CCDC3: variants seen among roughly 807,000 people sequenced by gnomAD.
CCDC3 encodes coiled-coil domain containing 3.
A neutral mutation model predicts 21.4 loss-of-function variants in CCDC3; 24 were observed. That is an observed-to-expected ratio of 1.12 (90% CI 0.81 to 1.58). The LOEUF (loss-of-function observed/expected upper bound fraction) is 1.58. Ranked by LOEUF, CCDC3 falls within the 40% of genes most tolerant of loss-of-function variation. CCDC3 has a pLI of 0.00. For missense variants in CCDC3, 425 were observed against 360.9 expected (o/e 1.18, Z -1.44); for synonymous variants, 186 against 166.0 (o/e 1.12, Z -0.93).
At chr10:12,972,598 C>T (rs1835359290) in intron 2 of CCDC3, among the ~76,000 whole-genome samples, 1 of 152,160 alleles carries the variant, frequency 6.6e-6, no homozygotes. Context: ...AGGCAAATCA[C>T]CTGAGGTTAG....
chr10:12,998,587 C>A, intron 1 of CCDC3, 75 bp from the exon 2 acceptor site: 2 of 1,412,778 alleles, frequency 1.4e-6, no homozygotes, highest in Admixed American at 2.0e-5. Context: ...GAGTCACAGA[C>A]AACTGCAACG....
chr10:12,992,261 G>A lies in CCDC3; in HGVS notation c.549+6077C>T, dbSNP rs184340947. On this transcript the variant is annotated intron_variant, in intron 2 of 2. Transcript: ENST00000378825. Reference sequence around the variant, plus strand: ...AAAAATCAGCTGGCCGTGGTGCTGGGCGCCTGTAGTCCCAGCTACTCAGGG... The same window carrying A: ...AAAAATCAGCTGGCCGTGGTGCTGGACGCCTGTAGTCCCAGCTACTCAGGG... Among the ~76,000 whole-genome samples, 36 of 152,040 alleles carry A rather than the reference G, an allele frequency of 2.4e-4. No individual in the cohort carries two copies. The East Asian group carries it at 6.2e-3, about 26-fold the overall frequency.
At chr10:12,919,876 G>A (rs954872567) in intron 2 of CCDC3, among the ~76,000 whole-genome samples, 8 of 152,196 alleles carry the variant, frequency 5.3e-5, no homozygotes, top group African/African-American at 1.9e-4. Flanking sequence ...GAAAAGCTAT[G>A]CTCAGGAAAG....
At chr10:12,907,654 AAAAAAG>A (rs1834195000) in intron 2 of CCDC3, among the ~76,000 whole-genome samples, 1 of 143,154 alleles carries the variant, frequency 7.0e-6, no homozygotes, top group Non-Finnish European at 1.6e-5. Context: ...AAAGAAAAAG[AAAAAAG>A]AAGATTAGTT....
At chr10:13,066,212 C>CA (rs765610903) in intron 4 of CCDC3, among the ~76,000 whole-genome samples, 14 of 151,786 alleles carry the variant, frequency 9.2e-5, no homozygotes, top group Admixed American at 6.6e-5. Flanking sequence ...AACTGGAGTA[C>CA]AATGGTACGA....
At chr10:12,977,283 GGAAAA>G (rs1171113216) in intron 2 of CCDC3, among the ~76,000 whole-genome samples, 1 of 144,278 alleles carries the variant, frequency 6.9e-6, no homozygotes, top group Non-Finnish European at 1.5e-5. Flanking sequence ...TCAAAAAAAA[GGAAAA>G]GAAAGGAAAG....
At chr10:12,980,809 G>C (rs2131271252) in intron 2 of CCDC3, among the ~76,000 whole-genome samples, 1 of 152,232 alleles carries the variant, frequency 6.6e-6, no homozygotes, top group East Asian at 1.9e-4. Context: ...AAGACACCGA[G>C]AGAGGATTCA....
At chr10:12,979,805 T>G (rs1835468102) in intron 2 of CCDC3, among the ~76,000 whole-genome samples, 1 of 152,174 alleles carries the variant, frequency 6.6e-6, no homozygotes, top group Non-Finnish European at 1.5e-5. Flanking sequence ...GCTTTTTGGT[T>G]AATGATATGG....
At chr10:13,045,875 G>A (rs566852197) in intron 5 of CCDC3, among the ~76,000 whole-genome samples, 1 of 150,996 alleles carries the variant, frequency 6.6e-6, no homozygotes, top group South Asian at 2.1e-4. Context: ...GGGATCATGA[G>A]GTCAAGAGTT....
chr10:13,002,015 A>C (rs1349547195), upstream of CCDC3, among the ~76,000 whole-genome samples: 1 of 152,198 alleles, frequency 6.6e-6, no homozygotes, highest in Non-Finnish European at 1.5e-5. Context: ...AATGACTCTT[A>C]ATTTGCACGA....
At position 13,001,433 on chromosome 10, in the gene CCDC3, G is replaced by A. The variant is rs1464744571; in HGVS notation, c.138C>T (p.Ala46=). The A allele has an allele frequency of 3.9e-6, 6 of 1,523,874 alleles. No homozygotes were observed. In the African/African-American group the frequency reaches 8.3e-5, roughly 21 times the overall value. 94.4% of individuals were successfully genotyped at this position (1,523,874 alleles called of 1,614,324 possible). A position where few individuals can be genotyped will look rare whatever the true frequency, so the allele number is the denominator to read the frequency against. ...RAELAETIVY[A]RVLALHPEAP... is the part of the protein sequence containing the mutation. Reference sequence around the variant, plus strand: ...CCTCGGGGTGCAGCGCCAGCACCCTGGCGTACACGATGGTCTCGGCCAGCT... The same window carrying A: ...CCTCGGGGTGCAGCGCCAGCACCCTAGCGTACACGATGGTCTCGGCCAGCT... Residue 46 remains alanine (A), a synonymous_variant, in exon 1 of 3, where the codon GCC becomes GCT. Transcript: ENST00000378825.
rs150173794 is a variant in CCDC3, at chr10:12,930,822, C to T, written c.550-32143G>A. Among the ~76,000 whole-genome samples the T allele has an allele frequency of 8.3e-3, 1,269 of 152,196 alleles. 22 individuals are homozygous for T. The highest frequency in any genetic ancestry group is 0.029 in the African/African-American group (1,206 of 41,522). ...ATAACAGTGCCGAGGTCAAGAAGCC[C>T]CATTCTAGGGTACCTGGAGCATAGA... On this transcript the variant is annotated intron_variant, in intron 2 of 2. Coordinates refer to ENST00000378825, the MANE Select transcript of CCDC3 (RefSeq NM_031455.4).
chr10:13,044,902 G>A (rs1168910042), intron 5 of CCDC3, among the ~76,000 whole-genome samples: 3 of 152,026 alleles, frequency 2.0e-5, no homozygotes, highest in Non-Finnish European at 4.4e-5. Flanking sequence ...TTAACATATC[G>A]AGTCTTCCAA....
chr10:12,960,174 C>CACACAG (rs1369913832), intron 2 of CCDC3, among the ~76,000 whole-genome samples: 1 of 151,312 alleles, frequency 6.6e-6, no homozygotes, highest in Non-Finnish European at 1.5e-5. Context: ...ACACAACACA[C>CACACAG]ACACACACAC....
At chr10:12,907,333 AG>A (rs1355908087) in intron 2 of CCDC3, among the ~76,000 whole-genome samples, 3 of 152,208 alleles carry the variant, frequency 2.0e-5, no homozygotes, top group African/African-American at 7.2e-5. Flanking sequence ...TTCCCTGTGA[AG>A]CCCCATTTCC....
intron 4 of CCDC3, among the ~76,000 whole-genome samples, chr10:13,054,105 G>A (rs1465756279): frequency 1.3e-5 from 2 of 149,372 alleles, no homozygotes; most frequent in Non-Finnish European, 3.0e-5. Flanking sequence ...AGATAGGGCC[G>A]CTGCACTCTG....
chr10:13,020,614 C>G (rs1411523204), intron 5 of CCDC3, among the ~76,000 whole-genome samples: 1 of 152,116 alleles, frequency 6.6e-6, no homozygotes, highest in Non-Finnish European at 1.5e-5. Flanking sequence ...ATTCTCACCT[C>G]AAAATATGCA....
At chr10:12,982,006 C>T (rs1196967521) in intron 2 of CCDC3, among the ~76,000 whole-genome samples, 1 of 150,988 alleles carries the variant, frequency 6.6e-6, no homozygotes, top group Non-Finnish European at 1.5e-5. Flanking sequence ...GTCTGTAGTC[C>T]CAGCTACTTG....
rs1180985484 is a variant in CCDC3 at position 12,957,362 on chromosome 10, C to T, written c.549+40976G>A. On this transcript the variant is annotated intron_variant, in intron 2 of 2. Coordinates refer to ENST00000378825, the MANE Select transcript of CCDC3 (RefSeq NM_031455.4). ...TGCAGTAATACTGAACGAAATCTAT[C>T]TTTACCAACCGTAACTCGTGTCTGA... 3.3e-5 allele frequency among the ~76,000 whole-genome samples: 5 copies of T among 152,376 alleles called. No individual in the cohort carries two copies. The East Asian group carries it at 9.6e-4, about 29-fold the overall frequency.
Sources: gnomAD v4.1 joint callset for allele counts (sites outside exome capture counted in the v4.1 genomes callset) on GRCh38, gnomAD v4.1.1 for gene constraint, MANE v1.5 for transcripts, NCBI Gene and HGNC (gene_info 2026-07-23, HGNC 2026-07-21) for gene names.